RFX3: variants seen among roughly 807,000 people sequenced by gnomAD.
RFX3 encodes regulatory factor X3.
Under a neutral mutation model 98.6 loss-of-function variants are expected in RFX3, and 14 were observed. That is an observed-to-expected ratio of 0.14 (90% CI 0.09 to 0.22). The LOEUF is 0.22. Ranked by LOEUF, RFX3 falls within the 10% of genes least tolerant of loss-of-function variation. The probability of loss-of-function intolerance (pLI) is 1.00; values close to 1 mark genes in which losing one functional copy is unlikely to be tolerated. For missense variants in RFX3, 639 were observed against 926.9 expected (o/e 0.69, Z 4.03); for synonymous variants, 383 against 328.4 (o/e 1.17, Z -1.80).
chr9:3,304,053 A>G (rs1828991597), intron 4 of RFX3, among the ~76,000 whole-genome samples: 1 of 152,034 alleles, frequency 6.6e-6, no homozygotes, highest in African/African-American at 2.4e-5. Context: ...TTCTTCTACA[A>G]GGAAGACACC....
intron 15 of RFX3, among the ~76,000 whole-genome samples, chr9:3,245,724 T>G (rs966570372): frequency 1.3e-5 from 2 of 152,186 alleles, no homozygotes; most frequent in Admixed American, 1.3e-4. Context: ...TCTCAGTAAA[T>G]AGTGACAATT....
At chr9:3,420,743 A>G (rs1843374163) in intron 1 of RFX3, 3 of 973,022 alleles carry the variant, frequency 3.1e-6, no homozygotes, top group Non-Finnish European at 3.7e-6. Flanking sequence ...ATCCTTCCAT[A>G]ACTGCCTTCA....
At chr9:3,326,051 T>C (rs892488356) in intron 4 of RFX3, among the ~76,000 whole-genome samples, 3 of 152,120 alleles carry the variant, frequency 2.0e-5, no homozygotes, top group South Asian at 2.1e-4. Flanking sequence ...TATCCAGTGA[T>C]GATTCAATAA....
At chr9:3,302,562 G>C (rs1332252590) in intron 4 of RFX3, among the ~76,000 whole-genome samples, 1 of 151,736 alleles carries the variant, frequency 6.6e-6, no homozygotes, top group East Asian at 1.9e-4. Flanking sequence ...CAATTTAAGA[G>C]AGAAAATTGA....
chr9:3,318,177 G>A (rs957894002), intron 4 of RFX3, among the ~76,000 whole-genome samples: 1 of 152,182 alleles, frequency 6.6e-6, no homozygotes, highest in African/African-American at 2.4e-5. Context: ...ATACACCATG[G>A]AATACTATGC....
rs150386126 is a variant in RFX3, at chr9:3,367,094, G to C, written c.118-20330C>G. On this transcript the variant is annotated intron_variant, in intron 2 of 16. Coordinates refer to ENST00000617270, the MANE Select transcript of RFX3 (RefSeq NM_001282116.2). ...TTAGAAACTCTAATTCCTATAACTT[G>C]TGAATACAATGAAAAATACCTCCCA... is the stretch of plus-strand genomic sequence containing the variant. Among the ~76,000 whole-genome samples, 308 of 152,118 alleles carry C rather than the reference G, an allele frequency of 2.0e-3. 1 individual carries two copies. Among genetic ancestry groups the C allele is most frequent in the African/African-American group, 7.0e-3 (292 of 41,488 alleles).
At position 3,257,214 on chromosome 9, in the gene RFX3, C is replaced by G; in HGVS notation, c.1606-15G>C. Reference sequence around the variant, plus strand: ...GAAGCCTGCTCCTGAGACAGTAACACAGAAAGAAAAGGAAAAGTTCAATTC... The same window carrying G: ...GAAGCCTGCTCCTGAGACAGTAACAGAGAAAGAAAAGGAAAAGTTCAATTC... On this transcript the variant is annotated splice_polypyrimidine_tract_variant and intron_variant, in intron 13 of 16. Coordinates refer to ENST00000617270, the MANE Select transcript of RFX3 (RefSeq NM_001282116.2). 6.2e-7 allele frequency: 1 copy of G among 1,612,366 alleles called. No individual in the cohort carries two copies. The highest frequency in any genetic ancestry group is 8.5e-7 in the Non-Finnish European group (1 of 1,178,934).
chr9:3,292,935 C>A (rs1827573331), intron 6 of RFX3, 142 bp downstream of exon 6: 1 of 576,980 alleles, frequency 1.7e-6, no homozygotes, highest in African/African-American at 1.9e-5. Flanking sequence ...TTTCCTTTTC[C>A]TGGGGATGTT....
At chr9:3,333,995 A>C (rs1384510873) in intron 3 of RFX3, among the ~76,000 whole-genome samples, 1 of 152,198 alleles carries the variant, frequency 6.6e-6, no homozygotes, top group Non-Finnish European at 1.5e-5. Context: ...AAGGTGAATA[A>C]CTGAAGTTTG....
intron 1 of RFX3, among the ~76,000 whole-genome samples, chr9:3,398,523 CTT>C (rs1236328704): frequency 6.6e-6 from 1 of 152,168 alleles, no homozygotes; most frequent in African/African-American, 2.4e-5. Flanking sequence ...TTCAGCCTCT[CTT>C]GTCAACTCCA....
chr9:3,312,653 A>G (rs927643501), intron 4 of RFX3, among the ~76,000 whole-genome samples: 1 of 151,760 alleles, frequency 6.6e-6, no homozygotes, highest in South Asian at 2.1e-4. Context: ...TCCCATTGTG[A>G]GCAACGCAGA....
chr9:3,325,745 A>C (rs1442613394), intron 4 of RFX3, among the ~76,000 whole-genome samples: 1 of 152,168 alleles, frequency 6.6e-6, no homozygotes, highest in Non-Finnish European at 1.5e-5. Flanking sequence ...ACCAAAAAAA[A>C]TCACTAACTA....
Position 3,219,590 on chromosome 9 carries a change from T to A in RFX3, c.*5452A>T, listed in dbSNP as rs1429877446. On this transcript the variant is annotated 3_prime_UTR_variant, in exon 17 of 17. Coordinates refer to ENST00000617270, the MANE Select transcript of RFX3 (RefSeq NM_001282116.2). Reference sequence around the variant, plus strand: ...GAAAGGAAAAAAAAATCCTAGGCAGTCACTTTGTAAGTGGCTTTTACTATT... The same window carrying A: ...GAAAGGAAAAAAAAATCCTAGGCAGACACTTTGTAAGTGGCTTTTACTATT... 1.3e-5 allele frequency: 2 copies of A among 152,126 alleles called. No homozygotes were observed. Among genetic ancestry groups the A allele is most frequent in the Admixed American group, 6.5e-5 (1 of 15,270 alleles). The allele number at this position is 152,126 out of a possible 1,614,324, so 9.4% of individuals were successfully genotyped here.
intron 2 of RFX3, among the ~76,000 whole-genome samples, chr9:3,369,848 G>T (rs1837605665): frequency 6.6e-6 from 1 of 151,840 alleles, no homozygotes; most frequent in Admixed American, 6.6e-5. Context: ...TTGTTTGTTT[G>T]ACACGGAGTC....
At chr9:3,416,775 T>C (rs1843021825) in intron 1 of RFX3, among the ~76,000 whole-genome samples, 1 of 151,914 alleles carries the variant, frequency 6.6e-6, no homozygotes, top group Non-Finnish European at 1.5e-5. Context: ...AATGGAATCA[T>C]AAAAATTATT....
At chr9:3,489,105 CAT>C (rs977050472) in intron 1 of RFX3, among the ~76,000 whole-genome samples, 2 of 151,972 alleles carry the variant, frequency 1.3e-5, no homozygotes, top group Non-Finnish European at 2.9e-5. Flanking sequence ...AAGTAAATCA[CAT>C]GATTATTTTT....
chr9:3,218,656 C>T lies in RFX3; in HGVS notation c.*6386G>A, dbSNP rs1385886274. The stretch of plus-strand genomic sequence containing the variant: ...AAATACATTATACAAAAAACCATCA[C>T]ATGTTATTCGGTAAAGATGTTTTTA... On this transcript the variant is annotated 3_prime_UTR_variant, in exon 17 of 17. Coordinates refer to ENST00000617270, the MANE Select transcript of RFX3 (RefSeq NM_001282116.2). The T allele has an allele frequency of 6.6e-6, 1 of 152,104 alleles. No individual in the cohort carries two copies. The highest frequency in any genetic ancestry group is 6.5e-5 in the Admixed American group (1 of 15,270). The allele number at this position is 152,104 out of a possible 1,614,324, so 9.4% of individuals were successfully genotyped here. A position where few individuals can be genotyped will look rare whatever the true frequency, so the allele number is the denominator to read the frequency against.
chr9:3,326,814 G>A (rs1831975325), intron 4 of RFX3, among the ~76,000 whole-genome samples: 1 of 152,146 alleles, frequency 6.6e-6, no homozygotes, highest in Non-Finnish European at 1.5e-5. Flanking sequence ...AACAGTGTTT[G>A]CTTTGTGCTG....
intron 1 of RFX3, among the ~76,000 whole-genome samples, chr9:3,454,033 C>A (rs1046583231): frequency 2.0e-5 from 3 of 151,932 alleles, no homozygotes; most frequent in African/African-American, 7.3e-5. Flanking sequence ...AATATATTAG[C>A]TGTTTAAATG....
Sources: gnomAD v4.1 joint callset for allele counts (sites outside exome capture counted in the v4.1 genomes callset) on GRCh38, gnomAD v4.1.1 for gene constraint, MANE v1.5 for transcripts, NCBI Gene and HGNC (gene_info 2026-07-23, HGNC 2026-07-21) for gene names.